Variants in TENM3 observed in about 807,000 individuals in gnomAD.
TENM3 encodes teneurin transmembrane protein 3.
A neutral mutation model predicts 255.1 loss-of-function variants in TENM3; 63 were observed. The observed-to-expected ratio is 0.25, with a 90% CI of 0.20 to 0.30. The LOEUF (loss-of-function observed/expected upper bound fraction) is 0.30, where lower values mean the gene tolerates loss of function less well. Among genes scored for constraint, TENM3 ranks in the 10% least tolerant of loss-of-function variants. The probability of loss-of-function intolerance (pLI) is 1.00; values close to 1 mark genes in which losing one functional copy is unlikely to be tolerated. For missense variants in TENM3, 2,929 were observed against 3,461.1 expected, an observed-to-expected ratio of 0.85 and a Z score of 3.86; for synonymous variants, 1,306 against 1,322.3, an observed-to-expected ratio of 0.99 and a Z score of 0.27.
At chr4:181,845,825 C>A in the TENM3 span, among the ~76,000 whole-genome samples, 1 of 152,170 alleles carries the variant, frequency 6.6e-6, no homozygotes, top group African/African-American at 2.4e-5. Flanking sequence ...CAGGTTACAG[C>A]GGGTGTTCCT....
intron 3 of TENM3, among the ~76,000 whole-genome samples, chr4:182,575,431 G>GTACA (rs1744824128): frequency 1.3e-5 from 2 of 152,300 alleles, no homozygotes; most frequent in Admixed American, 1.3e-4. Context: ...AAAGCAGTCA[G>GTACA]TACATGAACG....
the TENM3 span, among the ~76,000 whole-genome samples, chr4:181,911,853 T>A: frequency 1.3e-3 from 191 of 152,352 alleles, no homozygotes; most frequent in Middle Eastern, 3.4e-3. Context: ...AATGTTTTAA[T>A]AATTATGTAC....
intron 3 of TENM3, among the ~76,000 whole-genome samples, chr4:182,361,392 C>T (rs1234788803): frequency 2.0e-5 from 3 of 152,154 alleles, no homozygotes; most frequent in Non-Finnish European, 4.4e-5. Flanking sequence ...CACATAGTCC[C>T]ATATTTCTTG....
chr4:181,468,446 A>C, the TENM3 span, among the ~76,000 whole-genome samples: 1 of 152,212 alleles, frequency 6.6e-6, no homozygotes. Flanking sequence ...ATCAGGGACA[A>C]ATGTAGAGCA....
At chr4:182,339,126 T>G (rs775358650) in intron 2 of TENM3, among the ~76,000 whole-genome samples, 5 of 152,228 alleles carry the variant, frequency 3.3e-5, no homozygotes, top group Non-Finnish European at 7.3e-5. Context: ...CTGAGAAAGC[T>G]TATTTTTGTG....
At position 182,404,782 on chromosome 4, in the gene TENM3, G is replaced by A. The variant is rs151228261; in HGVS notation, c.511+57853G>A. Among the ~76,000 whole-genome samples the A allele has an allele frequency of 2.7e-4, 41 of 152,294 alleles. No individual in the cohort carries two copies. In the East Asian group the frequency reaches 7.3e-3, roughly 27 times the overall value. ...ACAACTCTTAGGAAACCACGTCCAC[G>A]TTAGCTTACTATTGATTAGAATATA... On this transcript the variant is annotated intron_variant, in intron 3 of 27. Transcript: ENST00000511685.
At chr4:181,453,506 G>T in the TENM3 span, among the ~76,000 whole-genome samples, 1 of 152,042 alleles carries the variant, frequency 6.6e-6, no homozygotes, top group Non-Finnish European at 1.5e-5. Flanking sequence ...AAGTGATTGG[G>T]TTGGAGACAT....
At chr4:182,359,630 C>T (rs905110868) in intron 3 of TENM3, among the ~76,000 whole-genome samples, 5 of 141,288 alleles carry the variant, frequency 3.5e-5, no homozygotes, top group Non-Finnish European at 7.7e-5. Flanking sequence ...ATTAGTCTTG[C>T]TAGCAGTCTA....
At chr4:181,863,567 A>G in the TENM3 span, among the ~76,000 whole-genome samples, 9 of 152,260 alleles carry the variant, frequency 5.9e-5, no homozygotes, top group South Asian at 1.9e-3. Context: ...GGCTCTCTGC[A>G]ATATACAAAC....
At chr4:182,447,459 G>A (rs913590818) in intron 3 of TENM3, among the ~76,000 whole-genome samples, 2 of 152,144 alleles carry the variant, frequency 1.3e-5, no homozygotes, top group African/African-American at 2.4e-5. Flanking sequence ...TCAAGGTAAA[G>A]CTAGTATGTT....
chr4:181,585,478 T>C, the TENM3 span, among the ~76,000 whole-genome samples: 1 of 152,196 alleles, frequency 6.6e-6, no homozygotes, highest in Admixed American at 6.5e-5. Flanking sequence ...ATTTAAGTAG[T>C]GAGAAAACTG....
intron 6 of TENM3, among the ~76,000 whole-genome samples, chr4:182,664,276 C>G (rs1448494881): frequency 6.6e-6 from 1 of 152,152 alleles, no homozygotes; most frequent in African/African-American, 2.4e-5. Flanking sequence ...ATTATTAGAT[C>G]TGTTACAGTG....
intron 3 of TENM3, among the ~76,000 whole-genome samples, chr4:182,566,860 T>A (rs775278448): frequency 5.9e-5 from 9 of 152,234 alleles, no homozygotes; most frequent in Non-Finnish European, 1.3e-4. Context: ...AGGCCACTGT[T>A]CTTTTCTATA....
At chr4:181,964,411 C>T in the TENM3 span, among the ~76,000 whole-genome samples, 1 of 152,098 alleles carries the variant, frequency 6.6e-6, no homozygotes, top group Non-Finnish European at 1.5e-5. Context: ...ATGACTCTAG[C>T]CTGAATGAGC....
intron 15 of TENM3, among the ~76,000 whole-genome samples, 174 bp from the exon 16 acceptor site, chr4:182,730,704 C>T (rs1760623999): frequency 6.6e-6 from 1 of 152,152 alleles, no homozygotes; most frequent in African/African-American, 2.4e-5. Flanking sequence ...ACATAGGACA[C>T]AAGAGTATTT....
At chr4:181,964,340 T>C in the TENM3 span, among the ~76,000 whole-genome samples, 1 of 152,174 alleles carries the variant, frequency 6.6e-6, no homozygotes. Context: ...TTTTAGAACT[T>C]CAATCTCCGG....
intron 2 of TENM3, among the ~76,000 whole-genome samples, chr4:182,333,522 A>G (rs1381822894): frequency 6.6e-6 from 1 of 152,162 alleles, no homozygotes; most frequent in East Asian, 1.9e-4. Flanking sequence ...TTTGGAAAAA[A>G]TTTAGAAAGG....
At chr4:182,165,809 T>G (rs1751669088) in intron 1 of TENM3, among the ~76,000 whole-genome samples, 1 of 152,160 alleles carries the variant, frequency 6.6e-6, no homozygotes, top group Non-Finnish European at 1.5e-5. Context: ...AGAGTCTCGC[T>G]CTGTCATCCA....
intron 1 of TENM3, among the ~76,000 whole-genome samples, chr4:182,248,769 C>T (rs1469295634): frequency 6.6e-6 from 1 of 152,152 alleles, no homozygotes; most frequent in Non-Finnish European, 1.5e-5. Flanking sequence ...CACAGTAAAC[C>T]TGACAAAAAC....
Sources: allele counts gnomAD v4.1 joint callset (sites outside exome capture counted in the v4.1 genomes callset), GRCh38; gene constraint gnomAD v4.1.1; transcripts MANE v1.5; gene names NCBI Gene and HGNC (gene_info 2026-07-23, HGNC 2026-07-21).